SFMBT1: variants seen among roughly 807,000 people sequenced by gnomAD.
The protein encoded by SFMBT1 is scm-like with four MBT domains protein 1.
SFMBT1 carries 32 observed loss-of-function variants against 108.7 expected under a neutral mutation model. That is an observed-to-expected ratio of 0.29 (90% confidence interval 0.22 to 0.40). SFMBT1 has a LOEUF of 0.40. SFMBT1 is among the 10% of genes least tolerant of loss of function. SFMBT1 has a pLI of 1.00. For synonymous variants in SFMBT1, 348 were observed against 369.5 expected (o/e 0.94, Z 0.67); for missense variants, 816 against 1,059.6 (o/e 0.77, Z 3.19).
At chr3:52,957,951 T>C (rs192353840) in intron 2 of SFMBT1, among the ~76,000 whole-genome samples, 9 of 152,078 alleles carry the variant, frequency 5.9e-5, no homozygotes, top group African/African-American at 9.6e-5. Flanking sequence ...AAAGCAAAAA[T>C]TGACAAACGG....
At chr3:52,996,972 G>A (rs1698356708) in intron 1 of SFMBT1, among the ~76,000 whole-genome samples, 1 of 149,966 alleles carries the variant, frequency 6.7e-6, no homozygotes, top group South Asian at 2.1e-4. Flanking sequence ...CGGAGGCTGA[G>A]GCAGAAGAAT....
In SFMBT1 at chr3:53,046,039, G is replaced by A. The variant is rs573897625; in HGVS notation, c.-354C>T. On this transcript the variant is annotated 5_prime_UTR_variant, in exon 1 of 21. Transcript: ENST00000394752. ...CTCCACCCGCGCTCCGGCGGAGGCGGCGGCGGCGCTCCGCGCTCCGACTCA... is the reference window on the plus strand; with the variant it reads ...CTCCACCCGCGCTCCGGCGGAGGCGACGGCGGCGCTCCGCGCTCCGACTCA... 1 of 151,330 alleles carries A rather than the reference G, an allele frequency of 6.6e-6. No individual in the cohort carries two copies. Among genetic ancestry groups the A allele is most frequent in the Non-Finnish European group, 1.5e-5 (1 of 67,930 alleles). 9.4% of individuals were successfully genotyped at this position (151,330 alleles called of 1,614,324 possible). A position where few individuals can be genotyped will look rare whatever the true frequency, so the allele number is the denominator to read the frequency against.
intron 1 of SFMBT1, among the ~76,000 whole-genome samples, chr3:53,005,790 T>C (rs1000404913): frequency 6.6e-6 from 1 of 152,188 alleles, no homozygotes; most frequent in Non-Finnish European, 1.5e-5. Context: ...ATGTAAACGA[T>C]GTGAATATGG....
chr3:52,932,922 T>A (rs1559516092), intron 5 of SFMBT1, among the ~76,000 whole-genome samples: 1 of 151,940 alleles, frequency 6.6e-6, no homozygotes, highest in Admixed American at 6.6e-5. Context: ...ATAAAAAATT[T>A]AAAAATTTAA....
chr3:52,910,333 T>C (rs1702185837), intron 17 of SFMBT1, among the ~76,000 whole-genome samples: 1 of 152,142 alleles, frequency 6.6e-6, no homozygotes, highest in South Asian at 2.1e-4. Context: ...TACTTGCAGA[T>C]TGTATGAATG....
At chr3:52,931,929 T>C (rs1468219661) in intron 6 of SFMBT1, 133 bp downstream of exon 6, 1 of 1,014,562 alleles carries the variant, frequency 9.9e-7, no homozygotes, top group Non-Finnish European at 1.4e-6. Flanking sequence ...CCATATAAAC[T>C]GTTTTGTAAT....
At chr3:52,945,151 A>AAAAAAAAAAAAAAAAAAAAAAAAAAC (rs1208407962) in intron 3 of SFMBT1, among the ~76,000 whole-genome samples, 1 of 148,576 alleles carries the variant, frequency 6.7e-6, no homozygotes, top group African/African-American at 2.5e-5. Flanking sequence ...AAAAAAAAAA[A>AAAAAAAAAAAAAAAAAAAAAAAAAAC]CAAGGACTTC....
At chr3:53,044,352 T>G (rs1280486823) in intron 1 of SFMBT1, among the ~76,000 whole-genome samples, 1 of 152,194 alleles carries the variant, frequency 6.6e-6, no homozygotes, top group Non-Finnish European at 1.5e-5. Context: ...AAAGCTACAA[T>G]GGGTAAGAAA....
chr3:52,963,218 T>A (rs1317548425), intron 2 of SFMBT1, among the ~76,000 whole-genome samples: 1 of 151,686 alleles, frequency 6.6e-6, no homozygotes, highest in Non-Finnish European at 1.5e-5. Flanking sequence ...TGGTCTCAAA[T>A]CCCTGACCTC....
intron 9 of SFMBT1, among the ~76,000 whole-genome samples, chr3:52,927,634 A>G (rs1702697515): frequency 6.6e-6 from 1 of 152,234 alleles, no homozygotes; most frequent in South Asian, 2.1e-4. Flanking sequence ...TGATTAAAGG[A>G]TCAAAGACTA....
At chr3:52,951,475 G>A (rs1240560602) in intron 3 of SFMBT1, among the ~76,000 whole-genome samples, 1 of 150,504 alleles carries the variant, frequency 6.6e-6, no homozygotes, top group Non-Finnish European at 1.5e-5. Context: ...GGAGTGCAGT[G>A]GCATGATCTT....
intron 14 of SFMBT1, among the ~76,000 whole-genome samples, chr3:52,915,278 T>C (rs1462821834): frequency 6.6e-6 from 1 of 151,386 alleles, no homozygotes; most frequent in Non-Finnish European, 1.5e-5. Context: ...CAAAAGGCCT[T>C]GGCTGAGGTT....
At chr3:53,006,509 AC>A (rs1698747247) in intron 1 of SFMBT1, among the ~76,000 whole-genome samples, 1 of 151,920 alleles carries the variant, frequency 6.6e-6, no homozygotes, top group South Asian at 2.1e-4. Context: ...CGTGCCTGTA[AC>A]CCCAGCTACT....
intron 9 of SFMBT1, among the ~76,000 whole-genome samples, chr3:52,927,733 T>C (rs1702701498): frequency 6.6e-6 from 1 of 152,200 alleles, no homozygotes; most frequent in Admixed American, 6.5e-5. Context: ...AACTTCTCTG[T>C]AGAAAGTCCC....
chr3:52,912,631 A>AT lies in SFMBT1; in HGVS notation c.1636dup (p.Ile546AsnfsTer34). On this transcript the variant is annotated frameshift_variant, in exon 16 of 21. Transcript: ENST00000394752. LOFTEE classifies it high-confidence loss of function. The stretch of plus-strand genomic sequence containing the variant: ...ACGGCTGGGTTTGTAGGCTGCATTG[A>AT]TAAGTAAAGTGAGGACCTGAGCTCA... 6.2e-7 allele frequency: 1 copy of AT among 1,613,902 alleles called. No homozygotes were observed. Among genetic ancestry groups the AT allele is most frequent in the Non-Finnish European group, 8.5e-7 (1 of 1,179,922 alleles).
intron 12 of SFMBT1, among the ~76,000 whole-genome samples, chr3:52,919,641 C>T (rs570830467): frequency 1.3e-5 from 2 of 152,290 alleles, no homozygotes; most frequent in Admixed American, 6.5e-5. Context: ...TGGGTTGCCA[C>T]TTTCGAGGTT....
At chr3:53,041,249 G>A (rs1383601447) in intron 1 of SFMBT1, among the ~76,000 whole-genome samples, 1 of 152,034 alleles carries the variant, frequency 6.6e-6, no homozygotes, top group Non-Finnish European at 1.5e-5. Flanking sequence ...GTGTCTCTGA[G>A]TTAGAGGAAA....
chr3:53,030,683 C>CAAAAAAA (rs10668462), intron 1 of SFMBT1, among the ~76,000 whole-genome samples: 16 of 82,728 alleles, frequency 1.9e-4, no homozygotes, highest in Admixed American at 3.3e-4. Flanking sequence ...GGCCATAATG[C>CAAAAAAA]AAAAAAAAAA....
chr3:53,009,123 A>C (rs749800159), intron 1 of SFMBT1, among the ~76,000 whole-genome samples: 2 of 151,906 alleles, frequency 1.3e-5, no homozygotes, highest in Non-Finnish European at 2.9e-5. Flanking sequence ...AACAAGGAAG[A>C]AAATGAAAAA....
Sources: allele counts gnomAD v4.1 joint callset (sites outside exome capture counted in the v4.1 genomes callset), GRCh38; gene constraint gnomAD v4.1.1; transcripts MANE v1.5; gene names NCBI Gene and HGNC (gene_info 2026-07-23, HGNC 2026-07-21).